The following PRKCA variants were observed in gnomAD, a reference collection of about 807,000 sequenced individuals.
The protein encoded by PRKCA is protein kinase C alpha.
Under a neutral mutation model 87.0 loss-of-function variants are expected in PRKCA, and 27 were observed. The ratio of observed to expected loss-of-function variants is 0.31; its 90% CI spans 0.23 to 0.43. The LOEUF is 0.43. Ranked by LOEUF, PRKCA falls within the 20% of genes least tolerant of loss-of-function variation. The pLI, the probability that PRKCA is intolerant of heterozygous loss-of-function variation, is 1.00. For synonymous variants in PRKCA, 329 were observed against 311.1 expected (o/e 1.06, Z -0.61); for missense variants, 518 against 852.3 (o/e 0.61, Z 4.88).
intron 14 of PRKCA, among the ~76,000 whole-genome samples, chr17:66,784,140 G>T (rs1047321176): frequency 5.3e-5 from 8 of 152,232 alleles, no homozygotes; most frequent in Non-Finnish European, 7.3e-5. Context: ...CAGAGCCTCT[G>T]CCCCGCTCCC....
At chr17:66,388,920 G>C (rs1910213057) in intron 2 of PRKCA, among the ~76,000 whole-genome samples, 1 of 152,036 alleles carries the variant, frequency 6.6e-6, no homozygotes, top group African/African-American at 2.4e-5. Flanking sequence ...CTCATTTTTT[G>C]TTTAATTCGA....
intron 8 of PRKCA, among the ~76,000 whole-genome samples, chr17:66,719,148 A>G (rs1461399306): frequency 6.6e-6 from 1 of 152,166 alleles, no homozygotes; most frequent in Non-Finnish European, 1.5e-5. Context: ...AGACCACAAA[A>G]TTGTTCATCT....
In PRKCA at chr17:66,657,376, G is replaced by A. The variant is rs372253925; in HGVS notation, c.529+11865G>A. ...TCCTATAAAAGTTTTTGCAGTGGGG[G>A]TGGTGAATTTGGGGAATGTGGCCTG... is the stretch of plus-strand genomic sequence containing the variant. On this transcript the variant is annotated intron_variant, in intron 5 of 16. Transcript: ENST00000413366. 1.3e-3 allele frequency among the ~76,000 whole-genome samples: 191 copies of A among 152,290 alleles called. 1 individual carries two copies. The highest frequency in any genetic ancestry group is 4.4e-3 in the African/African-American group (184 of 41,572).
At chr17:66,462,519 T>C (rs1047026967) in intron 2 of PRKCA, among the ~76,000 whole-genome samples, 1 of 152,244 alleles carries the variant, frequency 6.6e-6, no homozygotes, top group African/African-American at 2.4e-5. Flanking sequence ...CAACCTTACA[T>C]CTAGTTTCTG....
chr17:66,630,464 A>G (rs1970980026), intron 3 of PRKCA, among the ~76,000 whole-genome samples: 1 of 152,242 alleles, frequency 6.6e-6, no homozygotes, highest in Non-Finnish European at 1.5e-5. Context: ...ACCTAGGGTC[A>G]GTCTTGGCCA....
intron 3 of PRKCA, 145 bp from the exon 4 acceptor site, chr17:66,641,210 T>C (rs1235837155): frequency 1.9e-6 from 1 of 534,938 alleles, no homozygotes; most frequent in Non-Finnish European, 3.4e-6. Flanking sequence ...CCACCACCCA[T>C]TGTGTGACTC....
At chr17:66,545,256 G>A (rs556556099) in intron 3 of PRKCA, among the ~76,000 whole-genome samples, 120 of 152,064 alleles carry the variant, frequency 7.9e-4, no homozygotes, top group Middle Eastern at 3.4e-3. Flanking sequence ...GTGAAACCCC[G>A]CCTCTACTAA....
chr17:66,709,454 G>A (rs2144120474), intron 8 of PRKCA, among the ~76,000 whole-genome samples: 1 of 151,798 alleles, frequency 6.6e-6, no homozygotes, highest in East Asian at 1.9e-4. Context: ...GGGACTACAG[G>A]CTTGAGCCAC....
chr17:66,787,817 C>T (rs1975438985), intron 15 of PRKCA, among the ~76,000 whole-genome samples: 1 of 152,164 alleles, frequency 6.6e-6, no homozygotes, highest in South Asian at 2.1e-4. Flanking sequence ...CCTGGCCTGG[C>T]TGCTTTCACT....
At chr17:66,550,611 T>C (rs945016308) in intron 3 of PRKCA, among the ~76,000 whole-genome samples, 3 of 150,574 alleles carry the variant, frequency 2.0e-5, no homozygotes, top group Non-Finnish European at 4.4e-5. Context: ...ATCGTGCCAC[T>C]GCACTCCAGC....
intron 14 of PRKCA, among the ~76,000 whole-genome samples, chr17:66,779,737 G>A (rs963524424): frequency 6.6e-4 from 101 of 152,168 alleles, no homozygotes; most frequent in Admixed American, 1.9e-3. Context: ...GTTAAAGTGG[G>A]AAGGAGCGGG....
At chr17:66,464,078 T>C (rs920345037) in intron 2 of PRKCA, among the ~76,000 whole-genome samples, 1 of 152,216 alleles carries the variant, frequency 6.6e-6, no homozygotes, top group African/African-American at 2.4e-5. Context: ...ATCCTTCTAT[T>C]GTCTCCATGG....
intron 2 of PRKCA, among the ~76,000 whole-genome samples, chr17:66,470,400 G>C (rs889009247): frequency 1.3e-4 from 19 of 145,404 alleles, no homozygotes; most frequent in Non-Finnish European, 2.7e-4. Flanking sequence ...GTCTATTTTT[G>C]TATTTTTAGT....
At chr17:66,746,067 G>A (rs1179047571) in intron 13 of PRKCA, among the ~76,000 whole-genome samples, 1 of 151,678 alleles carries the variant, frequency 6.6e-6, no homozygotes, top group East Asian at 1.9e-4. Flanking sequence ...ATCTATATGT[G>A]GATTCCAGTC....
At chr17:66,525,804 A>G (rs1172123754) in intron 3 of PRKCA, among the ~76,000 whole-genome samples, 3 of 152,164 alleles carry the variant, frequency 2.0e-5, no homozygotes, top group Non-Finnish European at 4.4e-5. Context: ...AAACAGAAAC[A>G]TGTCAGGGCC....
intron 3 of PRKCA, among the ~76,000 whole-genome samples, chr17:66,630,179 A>G (rs1970972230): frequency 6.6e-6 from 1 of 152,236 alleles, no homozygotes; most frequent in African/African-American, 2.4e-5. Flanking sequence ...CAATATTTGA[A>G]TGACTTTTTC....
chr17:66,304,955 G>C (rs1423667750), intron 1 of PRKCA, among the ~76,000 whole-genome samples: 5 of 152,176 alleles, frequency 3.3e-5, no homozygotes, highest in African/African-American at 1.2e-4. Context: ...GAGTTAGAAA[G>C]GGACTTGCAG....
chr17:66,724,561 G>T (rs1000257344), intron 8 of PRKCA, among the ~76,000 whole-genome samples: 1 of 152,198 alleles, frequency 6.6e-6, no homozygotes, highest in African/African-American at 2.4e-5. Context: ...CCCAGTGCAT[G>T]CTCTGCTCTG....
intron 16 of PRKCA, among the ~76,000 whole-genome samples, chr17:66,800,389 C>T (rs771049122): frequency 7.9e-5 from 12 of 152,192 alleles, no homozygotes; most frequent in South Asian, 2.1e-4. Context: ...TCAGCACAGG[C>T]GGAGCACGAG....
Sources: gnomAD v4.1 joint callset for allele counts (sites outside exome capture counted in the v4.1 genomes callset) on GRCh38, gnomAD v4.1.1 for gene constraint, MANE v1.5 for transcripts, NCBI Gene and HGNC (gene_info 2026-07-23, HGNC 2026-07-21) for gene names.